Variants in ZNF75D observed in about 807,000 individuals in gnomAD.
ZNF75D encodes zinc finger protein 75D.
A neutral mutation model predicts 33.3 loss-of-function variants in ZNF75D; 33 were observed. That is an observed-to-expected ratio of 0.99 (90% CI 0.75 to 1.32). ZNF75D has a LOEUF of 1.32. Among genes scored for constraint, ZNF75D ranks in the 40% most tolerant of loss-of-function variants. The pLI is 0.00. For synonymous variants in ZNF75D, 113 were observed against 130.6 expected (o/e 0.87, Z 0.92); for missense variants, 338 against 367.5 (o/e 0.92, Z 0.66).
At chrX:135,306,288 TACACACACACACACACACAC>T (rs57049630) in intron 1 of ZNF75D, among the ~76,000 whole-genome samples, 11 of 83,235 alleles carry the variant, frequency 1.3e-4, no homozygotes, top group East Asian at 7.5e-4. Context: ...CAGAGATACA[TACACACACACACACACACAC>T]ACACACACAC....
intron 1 of ZNF75D, among the ~76,000 whole-genome samples, chrX:135,302,004 T>TC (rs1363828775): frequency 2.7e-5 from 3 of 111,913 alleles, no homozygotes; most frequent in African/African-American, 9.7e-5. Flanking sequence ...CACCCACAGG[T>TC]CCAACACCAC....
intron 6 of ZNF75D, 146 bp from the exon 7 acceptor site, chrX:135,287,992 C>G: frequency 6.2e-6 from 3 of 483,755 alleles, no homozygotes; most frequent in Non-Finnish European, 6.8e-6. Flanking sequence ...GGCATAGACC[C>G]ATTTCTCCTT....
At chrX:135,258,111 C>T (rs1312187659) in intron 1 of ZNF75D, among the ~76,000 whole-genome samples, 1 of 104,740 alleles carries the variant, frequency 9.5e-6, no homozygotes, top group Non-Finnish European at 2.0e-5. Flanking sequence ...TGGTTTCCAG[C>T]TTCATCCATG....
intron 1 of ZNF75D, among the ~76,000 whole-genome samples, chrX:135,320,170 G>A (rs942492182): frequency 9.1e-6 from 1 of 110,108 alleles, no homozygotes; most frequent in African/African-American, 3.3e-5. Context: ...GCATGCACCT[G>A]TAATCCCAGC....
chrX:135,329,986 CA>C (rs2084632058), intron 1 of ZNF75D, among the ~76,000 whole-genome samples: 1 of 111,890 alleles, frequency 8.9e-6, no homozygotes, highest in African/African-American at 3.3e-5. Context: ...TGACATGAAA[CA>C]AAATGAGCTG....
chrX:135,262,840 C>T (rs1282975456), intron 1 of ZNF75D, among the ~76,000 whole-genome samples: 3 of 112,349 alleles, frequency 2.7e-5, no homozygotes, highest in African/African-American at 6.5e-5. Flanking sequence ...CTGTTGTTGG[C>T]GAGGAGCTGC....
chrX:135,316,811 G>T (rs1247172545), intron 1 of ZNF75D, among the ~76,000 whole-genome samples: 1 of 108,243 alleles, frequency 9.2e-6, no homozygotes, highest in Non-Finnish European at 1.9e-5. Flanking sequence ...GTAGTCTTCA[G>T]TTCCAGAATT....
chrX:135,284,184 C>A (rs1556418976), downstream of ZNF75D, among the ~76,000 whole-genome samples: 1 of 111,833 alleles, frequency 8.9e-6, no homozygotes, highest in Admixed American at 9.5e-5. Flanking sequence ...CTGTCCATTT[C>A]TCCAGTTCCT....
chrX:135,339,936 C>A (rs1390582650), intron 1 of ZNF75D, among the ~76,000 whole-genome samples: 1 of 112,523 alleles, frequency 8.9e-6, no homozygotes, highest in East Asian at 2.8e-4. Context: ...GAGCTGTGCA[C>A]AACTTTGGGC....
intron 1 of ZNF75D, among the ~76,000 whole-genome samples, chrX:135,266,135 A>C (rs1429530027): frequency 3.6e-5 from 4 of 111,808 alleles, no homozygotes; most frequent in Non-Finnish European, 5.6e-5. Context: ...ATACACAAAA[A>C]TAAAATGCAA....
chrX:135,334,122 A>T (rs1556441558), intron 1 of ZNF75D, among the ~76,000 whole-genome samples: 1 of 112,217 alleles, frequency 8.9e-6, no homozygotes, highest in African/African-American at 3.2e-5. Context: ...GGAGAGGCAT[A>T]TTGTCTTGAA....
chrX:135,340,645 G>C (rs1209915437), intron 1 of ZNF75D, among the ~76,000 whole-genome samples: 2 of 111,913 alleles, frequency 1.8e-5, no homozygotes, highest in Non-Finnish European at 3.8e-5. Flanking sequence ...TATGGGGGAG[G>C]GGTGTCACTG....
intron 1 of ZNF75D, among the ~76,000 whole-genome samples, chrX:135,333,844 T>C (rs1237996359): frequency 8.9e-6 from 1 of 111,895 alleles, no homozygotes; most frequent in African/African-American, 3.2e-5. Context: ...GATATAATTA[T>C]GGAATTGCAG....
rs1431330740 is a variant in ZNF75D, at chrX:135,341,957, G to C, written c.-580C>G. 1 of 112,042 alleles carries C rather than the reference G, an allele frequency of 8.9e-6. No homozygotes were observed. Among genetic ancestry groups the C allele is most frequent in the East Asian group, 2.8e-4 (1 of 3,582 alleles). The allele number at this position is 112,042 out of a possible 1,213,427, so 9.2% of individuals were successfully genotyped here. A position where few individuals can be genotyped will look rare whatever the true frequency, so the allele number is the denominator to read the frequency against. On this transcript the variant is annotated 5_prime_UTR_variant, in exon 1 of 7. Transcript: ENST00000370766. ...GAAAATGCTTTTTTTCTCAATAACTGTTAGTAAAGACCACCAGAAGCAATT... is the reference window on the plus strand; with the variant it reads ...GAAAATGCTTTTTTTCTCAATAACTCTTAGTAAAGACCACCAGAAGCAATT...
intron 1 of ZNF75D, among the ~76,000 whole-genome samples, chrX:135,334,693 C>T (rs1307564183): frequency 9.0e-6 from 1 of 111,324 alleles, no homozygotes; most frequent in African/African-American, 3.3e-5. Flanking sequence ...GAAGGGGCTC[C>T]CTGCTGTGTA....
chrX:135,292,582 G>A, intron 3 of ZNF75D, 109 bp from the exon 4 acceptor site: 1 of 604,282 alleles, frequency 1.7e-6, no homozygotes, highest in South Asian at 3.4e-5. Context: ...CATGACATTA[G>A]AGAAGTAATA....
chrX:135,305,931 A>G (rs1556425638), intron 1 of ZNF75D, among the ~76,000 whole-genome samples: 1 of 111,735 alleles, frequency 8.9e-6, no homozygotes, highest in Non-Finnish European at 1.9e-5. Context: ...CAGTTGCATT[A>G]TGGGAAGGAT....
chrX:135,277,440 C>T (rs1474567753), intron 1 of ZNF75D, among the ~76,000 whole-genome samples: 3 of 112,002 alleles, frequency 2.7e-5, no homozygotes, highest in African/African-American at 3.2e-5. Flanking sequence ...TATAGGATGC[C>T]GGTTCACTCT....
chrX:135,256,545 C>T (rs1311324811), intron 1 of ZNF75D, among the ~76,000 whole-genome samples: 1 of 111,714 alleles, frequency 9.0e-6, no homozygotes, highest in African/African-American at 3.3e-5. Context: ...CCTGTGTAAA[C>T]TTAAAAGGCA....
Sources: allele counts gnomAD v4.1 joint callset (sites outside exome capture counted in the v4.1 genomes callset), GRCh38; gene constraint gnomAD v4.1.1; transcripts MANE v1.5; gene names NCBI Gene and HGNC (gene_info 2026-07-23, HGNC 2026-07-21).